Variants in ERC2 observed in about 807,000 individuals in gnomAD.
The protein encoded by ERC2 is ERC protein 2.
ERC2 carries 42 observed loss-of-function variants against 114.8 expected under a neutral mutation model. That is an observed-to-expected ratio of 0.37 (90% confidence interval 0.29 to 0.47). The LOEUF (loss-of-function observed/expected upper bound fraction) is 0.47. Ranked by LOEUF, ERC2 falls within the 20% of genes least tolerant of loss-of-function variation. ERC2 has a pLI of 0.99. For missense variants in ERC2, 939 were observed against 1,150.7 expected, an observed-to-expected ratio of 0.82 and a Z score of 2.66; for synonymous variants, 454 against 425.5, an observed-to-expected ratio of 1.07 and a Z score of -0.82.
chr3:55,546,847 T>C (rs1470605017), intron 17 of ERC2, among the ~76,000 whole-genome samples: 1 of 152,090 alleles, frequency 6.6e-6, no homozygotes, highest in African/African-American at 2.4e-5. Context: ...AAACGAGGAG[T>C]TTGGGCTCAA....
chr3:56,188,156 A>G (rs2083749259), intron 3 of ERC2, among the ~76,000 whole-genome samples: 1 of 152,190 alleles, frequency 6.6e-6, no homozygotes, highest in African/African-American at 2.4e-5. Context: ...CTCTGAACAC[A>G]ACTTGAGGGC....
chr3:56,297,211 C>T (rs1351898315), intron 2 of ERC2, among the ~76,000 whole-genome samples: 1 of 150,564 alleles, frequency 6.6e-6, no homozygotes, highest in Non-Finnish European at 1.5e-5. Context: ...CACAAAGTAC[C>T]TTCACAGAAG....
intron 15 of ERC2, among the ~76,000 whole-genome samples, chr3:55,714,585 A>T (rs2063967096): frequency 6.6e-6 from 1 of 151,046 alleles, no homozygotes; most frequent in Non-Finnish European, 1.5e-5. Context: ...CAACATGTTC[A>T]TATAAAATAG....
chr3:56,063,797 T>C (rs2076346851), intron 7 of ERC2, among the ~76,000 whole-genome samples: 1 of 152,190 alleles, frequency 6.6e-6, no homozygotes. Flanking sequence ...TACTATAAAG[T>C]GGTGTTGAGG....
chr3:55,951,870 TC>T (rs2149446362), intron 12 of ERC2, among the ~76,000 whole-genome samples: 1 of 152,130 alleles, frequency 6.6e-6, no homozygotes, highest in East Asian at 1.9e-4. Flanking sequence ...AAAACTGCTC[TC>T]CGCAAGAAAC....
intron 7 of ERC2, among the ~76,000 whole-genome samples, chr3:56,058,471 G>A (rs1341391956): frequency 1.3e-5 from 2 of 152,204 alleles, no homozygotes; most frequent in Non-Finnish European, 2.9e-5. Context: ...CTGGTGACAT[G>A]TGACTGTTAA....
intron 14 of ERC2, among the ~76,000 whole-genome samples, chr3:55,858,515 C>T (rs2061886434): frequency 6.6e-6 from 1 of 152,214 alleles, no homozygotes; most frequent in African/African-American, 2.4e-5. Context: ...CACAAAAGCA[C>T]ACTGCTGCTC....
At chr3:55,762,903 G>C (rs1387190568) in intron 14 of ERC2, among the ~76,000 whole-genome samples, 1 of 152,200 alleles carries the variant, frequency 6.6e-6, no homozygotes, top group Non-Finnish European at 1.5e-5. Flanking sequence ...CAGAACCACT[G>C]TCCAGTTCAG....
intron 1 of ERC2, among the ~76,000 whole-genome samples, chr3:56,462,883 C>T (rs1394271667): frequency 1.3e-5 from 2 of 152,120 alleles, no homozygotes; most frequent in East Asian, 1.9e-4. Context: ...TATGAATGAA[C>T]GATGTCACCA....
chr3:55,886,889 G>C (rs1342347359), intron 14 of ERC2, among the ~76,000 whole-genome samples: 3 of 152,214 alleles, frequency 2.0e-5, no homozygotes, highest in East Asian at 3.8e-4. Flanking sequence ...ATAAAATTCA[G>C]TCTCCAGTAT....
At chr3:56,410,682 C>T (rs371925708) in intron 2 of ERC2, among the ~76,000 whole-genome samples, 1 of 152,134 alleles carries the variant, frequency 6.6e-6, no homozygotes, top group Non-Finnish European at 1.5e-5. Flanking sequence ...GAGATAGGGT[C>T]TCCCTCTGTC....
intron 10 of ERC2, among the ~76,000 whole-genome samples, chr3:55,993,749 C>T (rs2071265679): frequency 6.6e-6 from 1 of 151,410 alleles, no homozygotes; most frequent in Non-Finnish European, 1.5e-5. Flanking sequence ...CTTTTACCAA[C>T]ATTTTTCAGA....
At chr3:55,948,959 A>G (rs2067304873) in intron 13 of ERC2, among the ~76,000 whole-genome samples, 1 of 152,208 alleles carries the variant, frequency 6.6e-6, no homozygotes, top group African/African-American at 2.4e-5. Flanking sequence ...AATTATTTAT[A>G]TGCCTTGACT....
At chr3:56,441,778 C>T (rs773121868) in intron 1 of ERC2, among the ~76,000 whole-genome samples, 5 of 152,222 alleles carry the variant, frequency 3.3e-5, no homozygotes, top group Non-Finnish European at 5.9e-5. Context: ...AACTCCTAAC[C>T]TCAAGTGATC....
chr3:56,399,184 A>G (rs1263755032), intron 2 of ERC2, among the ~76,000 whole-genome samples: 1 of 152,240 alleles, frequency 6.6e-6, no homozygotes, highest in Non-Finnish European at 1.5e-5. Context: ...ATACATGGGT[A>G]ACAAACCAGC....
chr3:55,724,575 G>A (rs1202499832), intron 15 of ERC2, among the ~76,000 whole-genome samples: 1 of 152,066 alleles, frequency 6.6e-6, no homozygotes, highest in Admixed American at 6.5e-5. Flanking sequence ...TGGTTTTTAG[G>A]GTTGTCATGA....
intron 13 of ERC2, among the ~76,000 whole-genome samples, chr3:55,949,036 A>C (rs1223677110): frequency 6.6e-6 from 1 of 152,164 alleles, no homozygotes; most frequent in Non-Finnish European, 1.5e-5. Context: ...ATAATACACC[A>C]TAGCAAGGTG....
intron 2 of ERC2, among the ~76,000 whole-genome samples, chr3:56,333,708 T>G (rs2057732328): frequency 6.6e-6 from 1 of 151,022 alleles, no homozygotes; most frequent in African/African-American, 2.4e-5. Flanking sequence ...ATTTTTTTTT[T>G]CATTTTCAGG....
chr3:55,733,525 CATT>C (rs2065411865), intron 15 of ERC2, among the ~76,000 whole-genome samples: 1 of 62,336 alleles, frequency 1.6e-5, no homozygotes, highest in Admixed American at 1.8e-4. Flanking sequence ...CTCTGTCTCT[CATT>C]CTTTCTCTCT....
Sources: allele counts gnomAD v4.1 joint callset (sites outside exome capture counted in the v4.1 genomes callset), GRCh38; gene constraint gnomAD v4.1.1; transcripts MANE v1.5; gene names NCBI Gene and HGNC (gene_info 2026-07-23, HGNC 2026-07-21).